Variants in RALGAPA2 observed in about 807,000 individuals in gnomAD.
RALGAPA2 encodes the protein ral GTPase-activating protein subunit alpha-2.
RALGAPA2 carries 139 observed loss-of-function variants against 230.4 expected under a neutral mutation model. The ratio of observed to expected loss-of-function variants is 0.60; its 90% CI spans 0.53 to 0.69. The LOEUF is 0.69. RALGAPA2 is among the 30% of genes least tolerant of loss of function. RALGAPA2 has a pLI of 0.00. For synonymous variants in RALGAPA2, 847 were observed against 837.8 expected (o/e 1.01, Z -0.19); for missense variants, 2,163 against 2,276.0 (o/e 0.95, Z 1.01).
Position 20,639,860 on chromosome 20 carries a change from G to C in RALGAPA2, c.591C>G (p.Ala197=). 1.2e-6 allele frequency: 2 copies of C among 1,613,630 alleles called. No individual in the cohort carries two copies. Among genetic ancestry groups the C allele is most frequent in the Non-Finnish European group, 1.7e-6 (2 of 1,179,570 alleles). The change falls in exon 7 of 40, where the codon GCC becomes GCG. Residue 197 remains alanine (A), a synonymous_variant. Coordinates refer to ENST00000202677, the MANE Select transcript of RALGAPA2 (RefSeq NM_020343.4). ...YPEEITPLLP[A]ISGEKIAEDQ... ...CCTCAGCAATCTTCTCCCCTGATATGGCTGGTAGGAGTGGAGTGATTTCTT... is the reference window on the plus strand; with the variant it reads ...CCTCAGCAATCTTCTCCCCTGATATCGCTGGTAGGAGTGGAGTGATTTCTT...
At chr20:20,673,454 G>A (rs185045919) in intron 3 of RALGAPA2, among the ~76,000 whole-genome samples, 3 of 151,460 alleles carry the variant, frequency 2.0e-5, no homozygotes, top group Admixed American at 2.0e-4. Context: ...AAAACTGAAG[G>A]GATTATGACT....
At chr20:20,503,957 T>C (rs1026975874) in intron 34 of RALGAPA2, among the ~76,000 whole-genome samples, 1 of 152,200 alleles carries the variant, frequency 6.6e-6, no homozygotes, top group Non-Finnish European at 1.5e-5. Context: ...AAACTGCCTT[T>C]CAAAAGGGTT....
chr20:20,703,424 C>T (rs1261772383), intron 1 of RALGAPA2, among the ~76,000 whole-genome samples: 2 of 152,128 alleles, frequency 1.3e-5, no homozygotes, highest in African/African-American at 2.4e-5. Flanking sequence ...ATTTTGCTAG[C>T]GGATTCTGGA....
At chr20:20,642,906 G>C (rs973249268) in intron 5 of RALGAPA2, among the ~76,000 whole-genome samples, 3 of 151,910 alleles carry the variant, frequency 2.0e-5, no homozygotes, top group Non-Finnish European at 2.9e-5. Flanking sequence ...ATTCATCCCA[G>C]GCTGAATTTT....
intron 1 of RALGAPA2, among the ~76,000 whole-genome samples, chr20:20,692,897 A>T (rs1044740755): frequency 3.9e-5 from 6 of 152,194 alleles, no homozygotes; most frequent in Non-Finnish European, 8.8e-5. Context: ...AGGAGAAAGA[A>T]ATTCTTATTA....
chr20:20,503,455 T>C lies in RALGAPA2; in HGVS notation c.5104A>G (p.Ser1702Gly). 1 of 1,607,394 alleles carries C rather than the reference T, an allele frequency of 6.2e-7. No individual in the cohort carries two copies. The highest frequency in any genetic ancestry group is 8.5e-7 in the Non-Finnish European group (1 of 1,177,166). ...TAGTAAGGGGCCGTCTGCCCGGTGCTGCCATTGCGCTGAAGGCCACCCATG... is the reference window on the plus strand; with the variant it reads ...TAGTAAGGGGCCGTCTGCCCGGTGCCGCCATTGCGCTGAAGGCCACCCATG... ...GFMGGLQRNG[S>G]TGQTAPYYAT... The change falls in exon 35 of 40, where the codon AGC becomes GGC. Residue 1702 changes from serine (S) to glycine (G), a missense_variant. Physicochemically the swap from Ser to Gly is moderately conservative, Grantham distance 56. Coordinates refer to ENST00000202677, the MANE Select transcript of RALGAPA2 (RefSeq NM_020343.4).
At chr20:20,540,241 G>C in intron 24 of RALGAPA2, among the ~76,000 whole-genome samples, 1 of 152,162 alleles carries the variant, frequency 6.6e-6, no homozygotes, top group Middle Eastern at 3.2e-3. Flanking sequence ...GTAGTACACG[G>C]GGATGAAGAT....
intron 30 of RALGAPA2, among the ~76,000 whole-genome samples, chr20:20,522,182 C>T (rs925269976): frequency 6.8e-6 from 1 of 147,212 alleles, no homozygotes; most frequent in African/African-American, 2.5e-5. Context: ...ACCAATAAGG[C>T]AGAATACATG....
At chr20:20,681,128 C>T (rs73901550) in intron 1 of RALGAPA2, among the ~76,000 whole-genome samples, 3 of 152,150 alleles carry the variant, frequency 2.0e-5, no homozygotes, top group East Asian at 1.9e-4. Flanking sequence ...CTTCCTGTTA[C>T]GGGATGAGGA....
At chr20:20,556,877 T>A (rs968166334) in intron 23 of RALGAPA2, among the ~76,000 whole-genome samples, 4 of 152,068 alleles carry the variant, frequency 2.6e-5, no homozygotes, top group Non-Finnish European at 5.9e-5. Context: ...ACTAAAATAT[T>A]TTTCTGAGGT....
intron 16 of RALGAPA2, among the ~76,000 whole-genome samples, chr20:20,599,231 C>T (rs1267479951): frequency 6.6e-6 from 1 of 152,162 alleles, no homozygotes; most frequent in Non-Finnish European, 1.5e-5. Context: ...TTGCTGAGAG[C>T]TGACTGTATT....
At chr20:20,412,210 AT>A in intron 37 of RALGAPA2, 62 bp from the exon 38 acceptor site, 1 of 1,597,964 alleles carries the variant, frequency 6.3e-7, no homozygotes, top group South Asian at 1.1e-5. Flanking sequence ...CAGTGACAGA[AT>A]TCACTTTTAA....
At chr20:20,670,101 C>G (rs893451444) in intron 3 of RALGAPA2, among the ~76,000 whole-genome samples, 6 of 152,236 alleles carry the variant, frequency 3.9e-5, no homozygotes, top group African/African-American at 1.4e-4. Flanking sequence ...CCGCTCACCA[C>G]GAAATGGTAA....
chr20:20,543,352 A>G (rs1002231574), intron 24 of RALGAPA2, among the ~76,000 whole-genome samples: 23 of 152,094 alleles, frequency 1.5e-4, no homozygotes, highest in Admixed American at 5.9e-4. Flanking sequence ...GCAGGAACTT[A>G]AACAAATTTA....
chr20:20,643,442 T>C, intron 5 of RALGAPA2, 64 bp downstream of exon 5: 1 of 1,396,212 alleles, frequency 7.2e-7, no homozygotes, highest in East Asian at 2.6e-5. Context: ...CCTAACATTG[T>C]TACTTTGTGG....
At chr20:20,523,969 T>G (rs559894597) in intron 30 of RALGAPA2, among the ~76,000 whole-genome samples, 13 of 151,770 alleles carry the variant, frequency 8.6e-5, no homozygotes, top group East Asian at 5.8e-4. Flanking sequence ...TTTACTTTTT[T>G]GGGGGGGGAT....
chr20:20,454,017 G>A (rs868391188), intron 37 of RALGAPA2, among the ~76,000 whole-genome samples: 3 of 152,124 alleles, frequency 2.0e-5, no homozygotes, highest in Non-Finnish European at 4.4e-5. Context: ...CCTCTATATC[G>A]TAGGGCAGGA....
chr20:20,629,782 A>G (rs1470640775), intron 9 of RALGAPA2, among the ~76,000 whole-genome samples, 192 bp from the exon 10 acceptor site: 1 of 152,110 alleles, frequency 6.6e-6, no homozygotes, highest in Non-Finnish European at 1.5e-5. Flanking sequence ...TAACCAACAA[A>G]TCCCTCCCAA....
At chr20:20,591,111 A>G in intron 17 of RALGAPA2, 66 bp downstream of exon 17, 1 of 1,545,796 alleles carries the variant, frequency 6.5e-7, no homozygotes, top group Non-Finnish European at 8.9e-7. Flanking sequence ...AAGCAATACT[A>G]TATGCAGCTT....
Sources: gnomAD v4.1 joint callset for allele counts (sites outside exome capture counted in the v4.1 genomes callset) on GRCh38, gnomAD v4.1.1 for gene constraint, MANE v1.5 for transcripts, NCBI Gene and HGNC (gene_info 2026-07-23, HGNC 2026-07-21) for gene names.